UNC5A: variants seen among roughly 807,000 people sequenced by gnomAD.
UNC5A encodes the protein netrin receptor UNC5A.
UNC5A carries 20 observed loss-of-function variants against 87.4 expected under a neutral mutation model. The observed-to-expected ratio is 0.23, with a 90% CI of 0.16 to 0.33. The LOEUF is 0.33. Among genes scored for constraint, UNC5A ranks in the 10% least tolerant of loss-of-function variants. The pLI is 1.00. For synonymous variants in UNC5A, 438 were observed against 482.3 expected (o/e 0.91, Z 1.20); for missense variants, 844 against 1,133.4 (o/e 0.74, Z 3.67).
chr5:176,858,728 A>AAGGAAGGAAGGAAGGG (rs1757730073), intron 1 of UNC5A, among the ~76,000 whole-genome samples: 1 of 73,388 alleles, frequency 1.4e-5, no homozygotes, highest in African/African-American at 5.1e-5. Flanking sequence ...AGAGAGAAGG[A>AAGGAAGGAAGGAAGGG]AGGAAGGAAG....
chr5:176,846,234 G>A (rs147624132), intron 1 of UNC5A, among the ~76,000 whole-genome samples: 31 of 152,256 alleles, frequency 2.0e-4, no homozygotes, highest in African/African-American at 6.5e-4. Context: ...GCACAGAGGA[G>A]GGAGGAGCCC....
chr5:176,867,296 T>C lies in UNC5A; in HGVS notation c.293-834T>C, dbSNP rs140336148. Among the ~76,000 whole-genome samples the C allele has an allele frequency of 7.1e-3, 1,082 of 152,098 alleles. 12 individuals carry two copies. Among genetic ancestry groups the C allele is most frequent in the African/African-American group, 0.024 (1,016 of 41,472 alleles). The stretch of plus-strand genomic sequence containing the variant: ...CCCCCGCTCCTGAGTTGTCAGAGGG[T>C]CCTCAGCCTGCCTCAGGCCAGATAT... On this transcript the variant is annotated intron_variant, in intron 2 of 14. Coordinates refer to ENST00000329542, the MANE Select transcript of UNC5A (RefSeq NM_133369.3).
Position 176,877,587 on chromosome 5 carries a change from C to A in UNC5A, c.1519C>A (p.Pro507Thr). 1 of 1,611,714 alleles carries A rather than the reference C, an allele frequency of 6.2e-7. No individual in the cohort carries two copies. Among genetic ancestry groups the A allele is most frequent in the Non-Finnish European group, 8.5e-7 (1 of 1,179,046 alleles). The stretch of plus-strand genomic sequence containing the variant: ...GCTGAGTCCCATCGTTAGCTGTGGA[C>A]CCCCTGGCGTCCTGCTCACCCGGCC... The part of the protein sequence containing the change: ...TLLSPIVSCG[P>T]PGVLLTRPVI... The change falls in exon 10 of 15, where the codon CCC becomes ACC. Residue 507 changes from proline (P) to threonine (T), a missense_variant. Coordinates refer to ENST00000329542, the MANE Select transcript of UNC5A (RefSeq NM_133369.3).
intron 1 of UNC5A, among the ~76,000 whole-genome samples, chr5:176,846,265 G>A (rs2113628844): frequency 6.6e-6 from 1 of 152,218 alleles, no homozygotes; most frequent in South Asian, 2.1e-4. Context: ...GCCAAAAGGA[G>A]CATTGGAACC....
At chr5:176,820,431 A>C (rs2113587157) in intron 1 of UNC5A, among the ~76,000 whole-genome samples, 1 of 152,294 alleles carries the variant, frequency 6.6e-6, no homozygotes, top group East Asian at 1.9e-4. Context: ...AAAAAAATAG[A>C]AAACAAGGCT....
chr5:176,866,357 T>C lies in UNC5A; in HGVS notation c.293-1773T>C, dbSNP rs1757974520. Among the ~76,000 whole-genome samples, 1 of 152,070 alleles carries C rather than the reference T, an allele frequency of 6.6e-6. No homozygotes were observed. Among genetic ancestry groups the C allele is most frequent in the Non-Finnish European group, 1.5e-5 (1 of 67,996 alleles). ...CAAGGCACTGCGTGGAGCTGGCACA[T>C]TGAGGACACACTTGGCCCTCACTCA... On this transcript the variant is annotated intron_variant, in intron 2 of 14. Coordinates refer to ENST00000329542, the MANE Select transcript of UNC5A (RefSeq NM_133369.3). The surrounding 1 kb of genome is among the most constrained non-coding windows in gnomAD (Gnocchi z 5.0).
intron 1 of UNC5A, among the ~76,000 whole-genome samples, chr5:176,812,781 G>A (rs1389327772): frequency 1.3e-5 from 2 of 152,134 alleles, no homozygotes; most frequent in African/African-American, 4.8e-5. Flanking sequence ...GGGCCTGCGG[G>A]AGGAGCTGCT....
chr5:176,823,588 G>A (rs892165821), intron 1 of UNC5A, among the ~76,000 whole-genome samples: 3 of 152,024 alleles, frequency 2.0e-5, no homozygotes, highest in African/African-American at 4.8e-5. Context: ...GGGGTAGGTC[G>A]GTATCAGCAG....
At chr5:176,823,052 T>A (rs1204010120) in intron 1 of UNC5A, among the ~76,000 whole-genome samples, 1 of 151,618 alleles carries the variant, frequency 6.6e-6, no homozygotes, top group Non-Finnish European at 1.5e-5. Context: ...GCTGCCGTGG[T>A]CATCCAGGCA....
chr5:176,877,458 T>G (rs1475705518), intron 9 of UNC5A, 77 bp from the exon 10 acceptor site: 2 of 1,491,510 alleles, frequency 1.3e-6, no homozygotes, highest in African/African-American at 2.8e-5. Context: ...GCTGCTGCCC[T>G]GCCCTTGGCC....
intron 1 of UNC5A, among the ~76,000 whole-genome samples, chr5:176,833,843 G>T (rs1401857679): frequency 6.6e-6 from 1 of 151,784 alleles, no homozygotes; most frequent in African/African-American, 2.4e-5. Flanking sequence ...CGAGTAGCTG[G>T]GACTACAGGC....
In UNC5A at chr5:176,879,661, G is replaced by A. The variant is rs1758368695; in HGVS notation, c.2364-60G>A. ...GCCCTGCCCTGGGGTGGGCCAGGGG[G>A]GGCAGGAGGTGTCGGCTGGGGCCAG... is the stretch of plus-strand genomic sequence containing the variant. On this transcript the variant is annotated intron_variant, in intron 14 of 14. Transcript: ENST00000329542. 2.5e-6 allele frequency: 4 copies of A among 1,593,144 alleles called. No individual in the cohort carries two copies. The South Asian group carries it at 3.4e-5, about 14-fold the overall frequency.
intron 2 of UNC5A, 96 bp downstream of exon 2, chr5:176,862,941 G>A (rs1475793461): frequency 6.8e-7 from 1 of 1,464,116 alleles, no homozygotes; most frequent in Non-Finnish European, 9.4e-7. Context: ...TTCCCCACCT[G>A]GGACCCCGGA....
chr5:176,814,849 G>A (rs894243638), intron 1 of UNC5A, among the ~76,000 whole-genome samples: 5 of 152,190 alleles, frequency 3.3e-5, no homozygotes, highest in Non-Finnish European at 7.3e-5. Context: ...CAGGCAGGGA[G>A]GGCTGCTATT....
At chr5:176,868,418 C>A in intron 3 of UNC5A, 143 bp from the exon 4 acceptor site, 1 of 1,446,450 alleles carries the variant, frequency 6.9e-7, no homozygotes, top group South Asian at 1.2e-5. Flanking sequence ...CCTGTGGACA[C>A]GGCCCAGCCA....
At position 176,824,081 on chromosome 5, in the gene UNC5A, C is replaced by T. The variant is rs1756793761; in HGVS notation, c.70+13261C>T. ...TGATTGGGCCAGGCTGGCCACATGG[C>T]CTGGGTTGAGCCAGTCAGGATCCTT... is the stretch of plus-strand genomic sequence containing the variant. On this transcript the variant is annotated intron_variant, in intron 1 of 14. Transcript: ENST00000329542. This position sits in a 1 kb window ranked among gnomAD's most constrained non-coding sequence, Gnocchi z 4.2. Among the ~76,000 whole-genome samples, 1 of 152,246 alleles carries T rather than the reference C, an allele frequency of 6.6e-6. No homozygotes were observed. The highest frequency in any genetic ancestry group is 6.5e-5 in the Admixed American group (1 of 15,292).
At chr5:176,814,970 G>T (rs1378633976) in intron 1 of UNC5A, among the ~76,000 whole-genome samples, 2 of 152,194 alleles carry the variant, frequency 1.3e-5, no homozygotes. Context: ...CTCCTGTCCA[G>T]GGTGGGGACC....
rs965296348 is a variant in UNC5A, at chr5:176,877,115, C to T, written c.1379-77C>T. On this transcript the variant is annotated intron_variant, in intron 8 of 14. Coordinates refer to ENST00000329542, the MANE Select transcript of UNC5A (RefSeq NM_133369.3). ...GCACCAGTCAGTCCTCACAGGAAGG[C>T]TCCTGGAGGGGCTGTGTGGTGGGGT... The T allele has an allele frequency of 5.0e-5, 61 of 1,225,494 alleles. No homozygotes were observed. The Middle Eastern group carries it at 2.1e-3, about 42-fold the overall frequency. 75.9% of individuals were successfully genotyped at this position (1,225,494 alleles called of 1,614,324 possible).
intron 9 of UNC5A, 81 bp downstream of exon 9, chr5:176,877,360 A>G: frequency 7.0e-7 from 1 of 1,419,770 alleles, no homozygotes; most frequent in East Asian, 2.3e-5. Context: ...CTGCCCACCC[A>G]CTGTTGTGCC....
Sources: gnomAD v4.1 joint callset for allele counts (sites outside exome capture counted in the v4.1 genomes callset) on GRCh38, gnomAD v4.1.1 for gene constraint, Gnocchi (gnomAD v3.1) non-coding constraint, MANE v1.5 for transcripts, NCBI Gene and HGNC (gene_info 2026-07-23, HGNC 2026-07-21) for gene names.